The following SPRED2 variants were observed in gnomAD, a reference collection of about 807,000 sequenced individuals.
SPRED2 encodes the protein sprouty related EVH1 domain containing 2.
Under a neutral mutation model 43.0 loss-of-function variants are expected in SPRED2, and 47 were observed. The observed-to-expected ratio is 1.09, with a 90% CI of 0.87 to 1.40. The LOEUF (loss-of-function observed/expected upper bound fraction) is 1.40, where lower values mean the gene tolerates loss of function less well. SPRED2 is among the 40% of genes most tolerant of loss of function. The probability of loss-of-function intolerance (pLI) is 0.00; values close to 1 mark genes in which losing one functional copy is unlikely to be tolerated. For missense variants in SPRED2, 561 were observed against 586.4 expected (o/e 0.96, Z 0.45); for synonymous variants, 225 against 225.7 (o/e 1.00, Z 0.03).
At chr2:65,384,225 G>A (rs1675440952) in intron 1 of SPRED2, among the ~76,000 whole-genome samples, 1 of 152,010 alleles carries the variant, frequency 6.6e-6, no homozygotes, top group African/African-American at 2.4e-5. Flanking sequence ...GGTGTTATCA[G>A]CCTCCCTCGG....
chr2:65,328,708 G>T (rs1673719636), intron 4 of SPRED2, among the ~76,000 whole-genome samples: 1 of 152,182 alleles, frequency 6.6e-6, no homozygotes. Context: ...ACTAAAAGGA[G>T]AATCCAGTTT....
At chr2:65,350,291 T>G (rs980370272) in intron 1 of SPRED2, among the ~76,000 whole-genome samples, 2 of 152,140 alleles carry the variant, frequency 1.3e-5, no homozygotes, top group Non-Finnish European at 2.9e-5. Flanking sequence ...TGGTATGCCT[T>G]AGAAAAAAAT....
intron 1 of SPRED2, among the ~76,000 whole-genome samples, chr2:65,384,985 T>TTG (rs1675461756): frequency 6.6e-6 from 1 of 151,404 alleles, no homozygotes; most frequent in African/African-American, 2.4e-5. Context: ...CTTTTTTTTT[T>TTG]TTTTTGAGAC....
intron 1 of SPRED2, among the ~76,000 whole-genome samples, chr2:65,410,352 T>C (rs1676126271): frequency 6.6e-6 from 1 of 152,208 alleles, no homozygotes; most frequent in African/African-American, 2.4e-5. Context: ...CTCCTGCCCA[T>C]GCTGGGTTCT....
intron 1 of SPRED2, among the ~76,000 whole-genome samples, chr2:65,402,945 TATAAA>T (rs1298876884): frequency 6.6e-6 from 1 of 152,202 alleles, no homozygotes; most frequent in African/African-American, 2.4e-5. Context: ...AATTGAGAAA[TATAAA>T]TGAATCTATG....
At chr2:65,374,206 CAAAT>C (rs906048623) in intron 1 of SPRED2, 1 of 152,144 alleles carries the variant, frequency 6.6e-6, no homozygotes, top group Admixed American at 6.5e-5. Context: ...CCCAGAGGGG[CAAAT>C]AAATAATTTA....
At chr2:65,320,623 C>T (rs1275948781) in intron 4 of SPRED2, among the ~76,000 whole-genome samples, 2 of 152,192 alleles carry the variant, frequency 1.3e-5, no homozygotes, top group East Asian at 1.9e-4. Context: ...GCTGAGGTTG[C>T]GTCCTAGCCG....
chr2:65,381,245 G>A (rs1675367467), intron 1 of SPRED2, among the ~76,000 whole-genome samples: 1 of 152,202 alleles, frequency 6.6e-6, no homozygotes, highest in South Asian at 2.1e-4. Context: ...ACCCTCCCTT[G>A]GTGTTGTGTC....
intron 2 of SPRED2, among the ~76,000 whole-genome samples, chr2:65,341,899 GA>G (rs953377763): frequency 2.6e-5 from 4 of 151,470 alleles, no homozygotes; most frequent in Non-Finnish European, 5.9e-5. Context: ...CAAAGAAGTG[GA>G]AAAAAATTTC....
chr2:65,377,535 G>T, intron 1 of SPRED2: 1 of 469,998 alleles, frequency 2.1e-6, no homozygotes, highest in South Asian at 1.5e-5. Flanking sequence ...ACAGTGTTCG[G>T]TCTCATAGAG....
chr2:65,307,503 C>T (rs1269401587), downstream of SPRED2, among the ~76,000 whole-genome samples: 1 of 135,146 alleles, frequency 7.4e-6, no homozygotes, highest in African/African-American at 2.8e-5. Flanking sequence ...GCCTGTATGA[C>T]ATTTTAATAA....
At chr2:65,351,375 C>T (rs894871095) in intron 1 of SPRED2, among the ~76,000 whole-genome samples, 1 of 152,202 alleles carries the variant, frequency 6.6e-6, no homozygotes, top group Non-Finnish European at 1.5e-5. Flanking sequence ...CTTTTACCTC[C>T]CCCATAAATA....
intron 1 of SPRED2, among the ~76,000 whole-genome samples, chr2:65,365,541 T>C (rs1243241294): frequency 6.6e-6 from 1 of 152,180 alleles, no homozygotes; most frequent in African/African-American, 2.4e-5. Flanking sequence ...CAGATCTGTT[T>C]AATGCTCTCT....
chr2:65,336,834 C>A (rs750930267), intron 2 of SPRED2, among the ~76,000 whole-genome samples: 3 of 152,146 alleles, frequency 2.0e-5, no homozygotes, highest in African/African-American at 7.2e-5. Flanking sequence ...AATGGCCGGG[C>A]GCGGTGGCTC....
At chr2:65,364,655 G>A (rs2104325102) in intron 1 of SPRED2, among the ~76,000 whole-genome samples, 1 of 152,254 alleles carries the variant, frequency 6.6e-6, no homozygotes, top group Admixed American at 6.5e-5. Flanking sequence ...ACCTGAGCGA[G>A]TCCCAACTAT....
rs1673827553 is a variant in SPRED2, at chr2:65,332,023, A to G, written c.402T>C (p.His134=). The change falls in exon 4 of 6, where the codon CAT becomes CAC. Residue 134 remains histidine, a synonymous_variant. Transcript: ENST00000356388. ...CATCATCGCCAAGCTCAGCTTCATT[A>G]TGGATGGTGGAAGATGACGTTGTTG... ...EGSTTSSSTI[H]NEAELGDDDV... The G allele has an allele frequency of 6.2e-7, 1 of 1,610,110 alleles. No homozygotes were observed. The highest frequency in any genetic ancestry group is 8.5e-7 in the Non-Finnish European group (1 of 1,177,644).
chr2:65,337,583 C>CAT (rs1313316727), intron 2 of SPRED2, among the ~76,000 whole-genome samples: 2 of 152,294 alleles, frequency 1.3e-5, no homozygotes, highest in Admixed American at 1.3e-4. Flanking sequence ...GGCTTCTTTA[C>CAT]ATATACACAG....
Position 65,331,909 on chromosome 2 carries a change from T to C in SPRED2, c.438+78A>G, listed in dbSNP as rs1422606527. 4 of 1,079,716 alleles carry C rather than the reference T, an allele frequency of 3.7e-6. No individual in the cohort carries two copies. The Admixed American group carries it at 8.3e-5, about 22-fold the overall frequency. 66.9% of individuals were successfully genotyped at this position (1,079,716 alleles called of 1,614,324 possible). A position where few individuals can be genotyped will look rare whatever the true frequency, so the allele number is the denominator to read the frequency against. On this transcript the variant is annotated intron_variant, in intron 4 of 5. Transcript: ENST00000356388. The stretch of plus-strand genomic sequence containing the variant: ...ACAGCAAACACTGCATTGCAAAGTG[T>C]GCCTCATGCCCTTAAACAAAACCTT...
chr2:65,334,265 T>C (rs1329194074), intron 3 of SPRED2: 1 of 478,002 alleles, frequency 2.1e-6, no homozygotes. Context: ...ATTCTCTACT[T>C]CTGAGCCAAG....
Sources: allele counts gnomAD v4.1 joint callset (sites outside exome capture counted in the v4.1 genomes callset), GRCh38; gene constraint gnomAD v4.1.1; transcripts MANE v1.5; gene names NCBI Gene and HGNC (gene_info 2026-07-23, HGNC 2026-07-21).